OPA1: variants seen among roughly 807,000 people sequenced by gnomAD.
OPA1 encodes the protein OPA1 mitochondrial dynamin like GTPase, also known as dynamin-like GTPase OPA1, mitochondrial.
A neutral mutation model predicts 152.9 loss-of-function variants in OPA1; 59 were observed. The observed-to-expected ratio is 0.39, with a 90% CI of 0.31 to 0.48. The LOEUF (loss-of-function observed/expected upper bound fraction) is 0.48. Among genes scored for constraint, OPA1 ranks in the 20% least tolerant of loss-of-function variants. OPA1 has a pLI of 0.96. For missense variants in OPA1, 1,008 were observed against 1,216.8 expected, an observed-to-expected ratio of 0.83 and a Z score of 2.55; for synonymous variants, 400 against 389.9, an observed-to-expected ratio of 1.03 and a Z score of -0.31.
At chr3:193,628,483 A>C (rs1301462712) in intron 7 of OPA1, 1 of 152,174 alleles carries the variant, frequency 6.6e-6, no homozygotes, top group East Asian at 1.9e-4. Flanking sequence ...TTTTGTGAGG[A>C]GCTAGTAAAG....
intron 8 of OPA1, 23 bp downstream of exon 8, chr3:193,631,688 A>T (rs771649932): frequency 6.3e-7 from 1 of 1,595,386 alleles, no homozygotes; most frequent in Non-Finnish European, 8.6e-7. Context: ...ACTAAGAAAA[A>T]CTAGGGACTT....
At position 193,620,594 on chromosome 3, in the gene OPA1, C is replaced by T. The variant is rs909387884; in HGVS notation, c.678+1658C>T. On this transcript the variant is annotated intron_variant, in intron 6 of 30. Coordinates refer to ENST00000361510, the MANE Select transcript of OPA1 (RefSeq NM_130837.3). ...TTTAACTTTTTCTCAATTTATGGTG[C>T]TTATTTTCCCCATTAAAGACTTACC... is the stretch of plus-strand genomic sequence containing the variant. Among the ~76,000 whole-genome samples, 4 of 147,376 alleles carry T rather than the reference C, an allele frequency of 2.7e-5. No individual in the cohort carries two copies. The East Asian group carries it at 5.9e-4, about 22-fold the overall frequency.
intron 1 of OPA1, among the ~76,000 whole-genome samples, chr3:193,602,490 C>T (rs1296836904): frequency 6.6e-6 from 1 of 152,128 alleles, no homozygotes; most frequent in East Asian, 1.9e-4. Flanking sequence ...AGTATTTAGT[C>T]ATATCAGAGT....
At chr3:193,666,526 G>A (rs763218527) in intron 28 of OPA1, 137 bp downstream of exon 28, 29 of 753,830 alleles carry the variant, frequency 3.8e-5, no homozygotes, top group Non-Finnish European at 6.3e-5. Context: ...GGTAGCTCAT[G>A]CCTGTAATCT....
intron 1 of OPA1, among the ~76,000 whole-genome samples, chr3:193,598,642 C>T (rs909078621): frequency 1.3e-5 from 2 of 151,970 alleles, no homozygotes; most frequent in African/African-American, 2.4e-5. Flanking sequence ...AACGATGAAC[C>T]GCATAATCTA....
chr3:193,675,779 C>A (rs933864774), intron 29 of OPA1, among the ~76,000 whole-genome samples: 3 of 152,194 alleles, frequency 2.0e-5, no homozygotes, highest in African/African-American at 7.2e-5. Context: ...TTGGTTCATT[C>A]ATAAATTCCC....
chr3:193,642,643 G>T, intron 11 of OPA1, 122 bp from the exon 12 acceptor site: 1 of 745,480 alleles, frequency 1.3e-6, no homozygotes, highest in Non-Finnish European at 2.4e-6. Flanking sequence ...TGCCCCAGCA[G>T]TAGTGTGAAG....
intron 11 of OPA1, among the ~76,000 whole-genome samples, chr3:193,638,770 A>G (rs1733317580): frequency 6.6e-6 from 1 of 152,192 alleles, no homozygotes; most frequent in Non-Finnish European, 1.5e-5. Context: ...GAAAATTACT[A>G]TATTTTGTAA....
chr3:193,626,352 T>C lies in OPA1; in HGVS notation c.789+150T>C, dbSNP rs567765505. The C allele has an allele frequency of 5.2e-5, 35 of 670,486 alleles. No individual in the cohort carries two copies. In the African/African-American group the frequency reaches 5.6e-4, roughly 11 times the overall value. The allele number at this position is 670,486 out of a possible 1,614,324, so 41.5% of individuals were successfully genotyped here. A position where few individuals can be genotyped will look rare whatever the true frequency, so the allele number is the denominator to read the frequency against. ...ATAAAAGATGCATCATATAAATATGTAACTTTTCTGGAGTGGGTAGTATAG... is the reference window on the plus strand; with the variant it reads ...ATAAAAGATGCATCATATAAATATGCAACTTTTCTGGAGTGGGTAGTATAG... On this transcript the variant is annotated intron_variant, in intron 7 of 30. Coordinates refer to ENST00000361510, the MANE Select transcript of OPA1 (RefSeq NM_130837.3).
At chr3:193,618,991 T>C (rs902132310) in intron 6 of OPA1, 55 bp downstream of exon 6, 2 of 1,370,406 alleles carry the variant, frequency 1.5e-6, no homozygotes, top group African/African-American at 2.8e-5. Context: ...TTTTTAAAGT[T>C]TTTACTTCTT....
rs1424763009 is a variant in OPA1 at position 193,645,771 on chromosome 3, A to C, written c.1725A>C (p.Glu575Asp). 6.2e-7 allele frequency: 1 copy of C among 1,613,552 alleles called. No homozygotes were observed. The highest frequency in any genetic ancestry group is 8.5e-7 in the Non-Finnish European group (1 of 1,179,666). Residue 575 changes from glutamate to aspartate, a missense_variant, in exon 18 of 31, where the codon GAA becomes GAC. Transcript: ENST00000361510. ...TTGAAGCTATAAGAGAATATGAAGA[A>C]GAGTTTTTTCAGAATTCAAAGCTCC... Reference protein sequence around the residue: ...ESIEAIREYEEEFFQNSKLLK... With the variant: ...ESIEAIREYEDEFFQNSKLLK...
intron 1 of OPA1, among the ~76,000 whole-genome samples, chr3:193,604,872 A>AAAAAG (rs1347591427): frequency 4.0e-5 from 6 of 151,694 alleles, no homozygotes; most frequent in African/African-American, 7.2e-5. Context: ...AAAAAAAAAA[A>AAAAAG]AAAGAAAAAA....
chr3:193,612,902 G>A (rs748313195), intron 1 of OPA1, among the ~76,000 whole-genome samples: 1 of 152,228 alleles, frequency 6.6e-6, no homozygotes, highest in Non-Finnish European at 1.5e-5. Flanking sequence ...ACACAAGTTA[G>A]TGGAGCTCGG....
chr3:193,599,881 G>A (rs2108790173), intron 1 of OPA1, among the ~76,000 whole-genome samples: 1 of 152,340 alleles, frequency 6.6e-6, no homozygotes, highest in East Asian at 1.9e-4. Flanking sequence ...GACAGAAAAG[G>A]TAAAGTGACC....
intron 18 of OPA1, among the ~76,000 whole-genome samples, chr3:193,646,237 T>C (rs1192308189): frequency 6.6e-6 from 1 of 152,186 alleles, no homozygotes; most frequent in Non-Finnish European, 1.5e-5. Flanking sequence ...CCAGTTGTAT[T>C]ACTGTATACT....
intron 1 of OPA1, among the ~76,000 whole-genome samples, 194 bp from the exon 2 acceptor site, chr3:193,614,529 A>G (rs1352836797): frequency 6.6e-6 from 1 of 152,236 alleles, no homozygotes. Flanking sequence ...GATTGTTAGC[A>G]GGATTAAATG....
chr3:193,674,082 A>G (rs1229768697), intron 29 of OPA1, among the ~76,000 whole-genome samples: 1 of 152,118 alleles, frequency 6.6e-6, no homozygotes, highest in Non-Finnish European at 1.5e-5. Flanking sequence ...ACTGTTCTTT[A>G]TTGTTTGATG....
At chr3:193,612,767 A>G (rs188201345) in intron 1 of OPA1, among the ~76,000 whole-genome samples, 31 of 152,336 alleles carry the variant, frequency 2.0e-4, no homozygotes, top group Admixed American at 1.1e-3. Context: ...TCCCATTATT[A>G]AATAAGGTAC....
intron 3 of OPA1, among the ~76,000 whole-genome samples, chr3:193,616,325 A>G (rs1560330462): frequency 6.6e-6 from 1 of 151,786 alleles, no homozygotes; most frequent in Non-Finnish European, 1.5e-5. Context: ...TTTTCTTTTA[A>G]TTTTTTTCTT....
Sources: gnomAD v4.1 joint callset for allele counts (sites outside exome capture counted in the v4.1 genomes callset) on GRCh38, gnomAD v4.1.1 for gene constraint, MANE v1.5 for transcripts, NCBI Gene and HGNC (gene_info 2026-07-23, HGNC 2026-07-21) for gene names.